SAMD12: variants seen among roughly 807,000 people sequenced by gnomAD.
The protein encoded by SAMD12 is sterile alpha motif domain-containing protein 12.
Under a neutral mutation model 15.0 loss-of-function variants are expected in SAMD12, and 9 were observed. The ratio of observed to expected loss-of-function variants is 0.60; its 90% confidence interval spans 0.36 to 1.05. The LOEUF is 1.05. Among genes scored for constraint, SAMD12 ranks in the 50% least tolerant of loss-of-function variants. The pLI, the probability that SAMD12 is intolerant of heterozygous loss-of-function variation, is 0.01. For missense variants in SAMD12, 230 were observed against 234.2 expected (o/e 0.98, Z 0.12); for synonymous variants, 86 against 90.1 (o/e 0.96, Z 0.25).
chr8:118,304,163 T>TC (rs1815188850), intron 4 of SAMD12, among the ~76,000 whole-genome samples: 1 of 152,212 alleles, frequency 6.6e-6, no homozygotes, highest in Non-Finnish European at 1.5e-5. Context: ...GAGAGGACAC[T>TC]CGATTCTTCC....
rs139398587 is a variant in SAMD12, at chr8:118,285,537, C to T, written c.434-87805G>A. On this transcript the variant is annotated intron_variant, in intron 4 of 4. Coordinates refer to the SAMD12 transcript ENST00000409003. Reference sequence around the variant, plus strand: ...AAATGACCTCTTTCCCACCCCACTGCCATCCCTTCAATGAACGCCCACTAT... The same window carrying T: ...AAATGACCTCTTTCCCACCCCACTGTCATCCCTTCAATGAACGCCCACTAT... 6.6e-3 allele frequency among the ~76,000 whole-genome samples: 1,010 copies of T among 152,330 alleles called. 14 individuals carry two copies. Among genetic ancestry groups the T allele is most frequent in the African/African-American group, 0.023 (963 of 41,566 alleles).
chr8:118,332,574 G>A (rs1362458215), intron 4 of SAMD12, among the ~76,000 whole-genome samples: 1 of 152,238 alleles, frequency 6.6e-6, no homozygotes. Flanking sequence ...TGCAGTGATA[G>A]GAAGGAGCCC....
At position 118,589,094 on chromosome 8, in the gene SAMD12, C is replaced by T. The variant is rs557339414; in HGVS notation, c.14-8201G>A. On this transcript the variant is annotated intron_variant, in intron 1 of 3. Coordinates refer to ENST00000314727, the MANE Select transcript of SAMD12 (RefSeq NM_207506.3). The stretch of plus-strand genomic sequence containing the variant: ...CTAAGTGGCCAATAATAGATGGCTC[C>T]CCTATTCCATGCAAGAAGAGACTGG... 1.1e-4 allele frequency among the ~76,000 whole-genome samples: 16 copies of T among 152,206 alleles called. 1 individual carries two copies. In the South Asian group the frequency reaches 3.3e-3, roughly 32 times the overall value.
chr8:118,336,083 T>C (rs899089164), intron 4 of SAMD12, among the ~76,000 whole-genome samples: 3 of 152,172 alleles, frequency 2.0e-5, no homozygotes, highest in African/African-American at 7.2e-5. Flanking sequence ...ACTTCCATGC[T>C]ACAAATTAGT....
chr8:118,496,318 C>T (rs1338937093), intron 2 of SAMD12, among the ~76,000 whole-genome samples: 1 of 152,178 alleles, frequency 6.6e-6, no homozygotes, highest in African/African-American at 2.4e-5. Flanking sequence ...TGACTTCAAA[C>T]TATACTACAA....
chr8:118,525,530 T>A (rs1044608109), intron 2 of SAMD12, among the ~76,000 whole-genome samples: 3 of 152,148 alleles, frequency 2.0e-5, no homozygotes, highest in Non-Finnish European at 4.4e-5. Flanking sequence ...TCAACAAATA[T>A]TAGTTGAAGG....
At chr8:118,423,316 C>T (rs975766133) in intron 3 of SAMD12, among the ~76,000 whole-genome samples, 2 of 152,164 alleles carry the variant, frequency 1.3e-5, no homozygotes, top group African/African-American at 4.8e-5. Context: ...GTCTTCGGGA[C>T]TCAGGCGGGT....
chr8:118,159,130 G>A, the SAMD12 span, among the ~76,000 whole-genome samples: 3 of 152,026 alleles, frequency 2.0e-5, no homozygotes, highest in African/African-American at 7.2e-5. Flanking sequence ...GAAGAGAAGA[G>A]GGAAGAACTG....
chr8:118,320,694 C>T (rs1816199195), intron 4 of SAMD12, among the ~76,000 whole-genome samples: 1 of 149,792 alleles, frequency 6.7e-6, no homozygotes, highest in African/African-American at 2.5e-5. Context: ...GGAGGGATAG[C>T]ATTAGGAGAT....
intron 4 of SAMD12, among the ~76,000 whole-genome samples, chr8:118,347,309 G>T (rs2130577264): frequency 6.6e-6 from 1 of 152,310 alleles, no homozygotes; most frequent in South Asian, 2.1e-4. Context: ...CAGGTGTTCA[G>T]CATAAATGAC....
intron 4 of SAMD12, among the ~76,000 whole-genome samples, chr8:118,227,615 GA>G (rs1448927623): frequency 6.6e-6 from 1 of 152,116 alleles, no homozygotes; most frequent in Non-Finnish European, 1.5e-5. Flanking sequence ...GCTTAGACAA[GA>G]ATATTGTTAT....
chr8:118,607,612 A>C (rs1828015920), intron 1 of SAMD12, among the ~76,000 whole-genome samples: 1 of 152,216 alleles, frequency 6.6e-6, no homozygotes, highest in Non-Finnish European at 1.5e-5. Context: ...TGTGACCATG[A>C]GCAAGTTAAG....
At chr8:118,553,329 C>A (rs1826409563) in intron 2 of SAMD12, among the ~76,000 whole-genome samples, 1 of 152,054 alleles carries the variant, frequency 6.6e-6, no homozygotes, top group Admixed American at 6.5e-5. Flanking sequence ...GGTACCGAAA[C>A]AGAGATATAG....
chr8:118,214,936 T>A (rs1303512304), intron 4 of SAMD12, among the ~76,000 whole-genome samples: 1 of 152,168 alleles, frequency 6.6e-6, no homozygotes, highest in African/African-American at 2.4e-5. Flanking sequence ...GGACCAATCC[T>A]CAGACCGAAG....
At chr8:118,509,636 C>G (rs888250121) in intron 2 of SAMD12, among the ~76,000 whole-genome samples, 4 of 152,228 alleles carry the variant, frequency 2.6e-5, no homozygotes, top group African/African-American at 7.2e-5. Flanking sequence ...ACATAATACC[C>G]CTTGCTTCAT....
intron 1 of SAMD12, among the ~76,000 whole-genome samples, chr8:118,610,112 G>A (rs965512480): frequency 6.6e-6 from 1 of 152,142 alleles, no homozygotes; most frequent in Non-Finnish European, 1.5e-5. Flanking sequence ...CTAATTGTGT[G>A]CTGGGGTACG....
chr8:118,439,095 G>C (rs1822659211), intron 3 of SAMD12, among the ~76,000 whole-genome samples: 1 of 152,072 alleles, frequency 6.6e-6, no homozygotes, highest in Admixed American at 6.5e-5. Flanking sequence ...TCCCCCAATT[G>C]AGAGACTTGA....
exon 5 of SAMD12, chr8:118,192,545 T>A (rs1342205850): frequency 6.6e-6 from 1 of 152,160 alleles, no homozygotes; most frequent in Non-Finnish European, 1.5e-5. Flanking sequence ...CAAAAAGGCC[T>A]GGGCTTAAGA....
chr8:118,138,453 T>C, the SAMD12 span, among the ~76,000 whole-genome samples: 1 of 152,090 alleles, frequency 6.6e-6, no homozygotes, highest in Non-Finnish European at 1.5e-5. Flanking sequence ...TAAAGGAGGC[T>C]CGGGTGAGAC....
Sources: gnomAD v4.1 joint callset for allele counts (sites outside exome capture counted in the v4.1 genomes callset) on GRCh38, gnomAD v4.1.1 for gene constraint, MANE v1.5 for transcripts, NCBI Gene and HGNC (gene_info 2026-07-23, HGNC 2026-07-21) for gene names.